Variants in MSH6 observed in about 807,000 individuals in gnomAD.
MSH6 encodes DNA mismatch repair protein Msh6.
MSH6 carries 85 observed loss-of-function variants against 119.1 expected under a neutral mutation model. The observed-to-expected ratio is 0.71, with a 90% confidence interval of 0.60 to 0.85. MSH6 has a LOEUF of 0.85. Ranked by LOEUF, MSH6 falls within the 40% of genes least tolerant of loss-of-function variation. MSH6 has a pLI of 0.00. For missense variants in MSH6, 2,163 were observed against 1,655.3 expected, an observed-to-expected ratio of 1.31 and a Z score of -5.32; for synonymous variants, 830 against 586.9, an observed-to-expected ratio of 1.41 and a Z score of -5.99.
rs878853699 is a variant in MSH6 at position 47,799,114 on chromosome 2, G to T, written c.1131G>T (p.Lys377Asn). The T allele has an allele frequency of 1.9e-6, 3 of 1,614,180 alleles. No individual in the cohort carries two copies. In the African/African-American group the frequency reaches 4.0e-5, roughly 22 times the overall value. ...HETLEWLKEE[K>N]RRDEHRRRPD... ...CTTTAGAATGGCTTAAGGAGGAAAA[G>T]AGAAGAGATGAGCACAGGAGGAGGC... The change falls in exon 4 of 10, where the codon AAG becomes AAT. Residue 377 changes from lysine to asparagine, a missense_variant. Physicochemically the swap from Lys to Asn is moderately conservative, Grantham distance 94. Transcript: ENST00000234420.
chr2:47,793,462 T>A (rs1051978916), intron 2 of MSH6, among the ~76,000 whole-genome samples: 1 of 150,086 alleles, frequency 6.7e-6, no homozygotes, highest in Non-Finnish European at 1.5e-5. Context: ...ACACTGTCTC[T>A]ACTAAAAATA....
downstream of MSH6, chr2:47,808,187 A>C (rs1414543486): frequency 3.7e-6 from 6 of 1,613,512 alleles, no homozygotes; most frequent in East Asian, 1.3e-4. Flanking sequence ...TATCATGTGT[A>C]GGCTCACCAG....
At chr2:47,783,888 A>G (rs1343968100) in intron 1 of MSH6, 6 of 902,492 alleles carry the variant, frequency 6.6e-6, no homozygotes, top group East Asian at 1.2e-4. Flanking sequence ...CGCCCGGCCC[A>G]CTTGGTGGGC....
Position 47,803,489 on chromosome 2 carries a change from T to G in MSH6, c.3242T>G (p.Leu1081Trp), listed in dbSNP as rs1553331349. 3 of 1,614,152 alleles carry G rather than the reference T, an allele frequency of 1.9e-6. No individual in the cohort carries two copies. The highest frequency in any genetic ancestry group is 2.5e-6 in the Non-Finnish European group (3 of 1,180,022). The change falls in exon 5 of 10, where the codon TTG becomes TGG. Residue 1081 changes from leucine (L) to tryptophan (W), a missense_variant. Physicochemically the swap from Leu to Trp is moderately conservative, Grantham distance 61. Transcript: ENST00000234420. ...DGPMCRPVILLPEDTPPFLEL... is the reference protein window; with the variant it reads ...DGPMCRPVILWPEDTPPFLEL... ...CCTATGTGTCGCCCAGTAATTCTGTTGCCGGAAGATACCCCCCCCTTCTTA... is the reference window on the plus strand; with the variant it reads ...CCTATGTGTCGCCCAGTAATTCTGTGGCCGGAAGATACCCCCCCCTTCTTA...
rs373958499 is a variant in MSH6, at chr2:47,798,866, A to G, written c.883A>G (p.Lys295Glu). The G allele has an allele frequency of 6.8e-6, 11 of 1,614,216 alleles. No individual in the cohort carries two copies. The highest frequency in any genetic ancestry group is 8.5e-6 in the Non-Finnish European group (10 of 1,180,042). Reference sequence around the variant, plus strand: ...GAGTGAAGGCCTGAACAGCCCTGTCAAAGTTGCTCGAAAGCGGAAGAGAAT... The same window carrying G: ...GAGTGAAGGCCTGAACAGCCCTGTCGAAGTTGCTCGAAAGCGGAAGAGAAT... ...SESEGLNSPV[K>E]VARKRKRMVT... The change falls in exon 4 of 10, where the codon AAA becomes GAA. Residue 295 changes from lysine to glutamate, a missense_variant. Physicochemically the swap from Lys to Glu is moderately conservative, Grantham distance 56 (BLOSUM62 1). Coordinates refer to ENST00000234420, the MANE Select transcript of MSH6 (RefSeq NM_000179.3).
chr2:47,803,272 G>T (rs879511202), intron 4 of MSH6, 148 bp from the exon 5 acceptor site: 100 of 1,103,678 alleles, frequency 9.1e-5, no homozygotes, highest in Non-Finnish European at 1.3e-4. Flanking sequence ...ATGTTAGAGG[G>T]TAAGTATTTT....
rs63750287 is a variant in MSH6, at chr2:47,801,045, C to T, written c.3062C>T (p.Ala1021Val). The T allele has an allele frequency of 6.3e-7, 1 of 1,595,340 alleles. No homozygotes were observed. Among genetic ancestry groups the T allele is most frequent in the South Asian group, 1.1e-5 (1 of 87,958 alleles). ...IEKKLANLIN[A>V]EERRDVSLKD... ...AAGAAGTTGGCTAATCTCATAAATG[C>T]TGAAGAACGGAGGGATGTATCATTG... Residue 1021 changes from alanine to valine, a missense_variant, in exon 4 of 10, where the codon GCT becomes GTT. Physicochemically the swap from Ala to Val is moderately conservative, Grantham distance 64 (BLOSUM62 0). Coordinates refer to ENST00000234420, the MANE Select transcript of MSH6 (RefSeq NM_000179.3).
At chr2:47,783,555 G>A (rs2103947402) in intron 1 of MSH6, 62 bp downstream of exon 1, 1 of 1,389,998 alleles carries the variant, frequency 7.2e-7, no homozygotes, top group Non-Finnish European at 9.4e-7. Flanking sequence ...GGAACCCGGC[G>A]AGGGGAGGCT....
At position 47,785,466 on chromosome 2, in the gene MSH6, C is replaced by G. The variant is rs1668296375; in HGVS notation, c.260+1973C>G. Reference sequence around the variant, plus strand: ...CTGCTGACCTCAAGTGGTCCACCCACTTCAGCCTCCCAAAGTGCTGGGATT... The same window carrying G: ...CTGCTGACCTCAAGTGGTCCACCCAGTTCAGCCTCCCAAAGTGCTGGGATT... On this transcript the variant is annotated intron_variant, in intron 1 of 9. Coordinates refer to ENST00000234420, the MANE Select transcript of MSH6 (RefSeq NM_000179.3). 2.0e-5 allele frequency among the ~76,000 whole-genome samples: 3 copies of G among 152,090 alleles called. No individual in the cohort carries two copies. The South Asian group carries it at 6.2e-4, about 32-fold the overall frequency.
intron 2 of MSH6, among the ~76,000 whole-genome samples, chr2:47,794,422 C>T (rs1207073642): frequency 3.3e-5 from 5 of 151,790 alleles, no homozygotes; most frequent in African/African-American, 1.2e-4. Context: ...CAGGTGTGCA[C>T]CACCACACCT....
intron 1 of MSH6, among the ~76,000 whole-genome samples, chr2:47,788,252 T>C (rs1272316119): frequency 0.087 from 7,431 of 85,342 alleles, 346 homozygotes; most frequent in Non-Finnish European, 0.14. Context: ...CTTTCTTTTT[T>C]TTTTTTTTTT....
intron 8 of MSH6, 32 bp downstream of exon 8, chr2:47,806,390 G>C (rs946114290): frequency 6.2e-7 from 1 of 1,612,844 alleles, no homozygotes; most frequent in Non-Finnish European, 8.5e-7. Context: ...CCACAAATTC[G>C]GTTTTTTGAG....
At position 47,796,172 on chromosome 2, in the gene MSH6, AT is replaced by A. The variant is rs1669078417; in HGVS notation, c.627+111del. ...GTTTTATATATGTGTGTGTATATGT[AT>A]TATTTTATTATACATACATGCATAC... On this transcript the variant is annotated intron_variant, in intron 3 of 9. Transcript: ENST00000234420. 16 of 1,086,100 alleles carry A rather than the reference AT, an allele frequency of 1.5e-5. No homozygotes were observed. In the South Asian group the frequency reaches 2.0e-4, roughly 13 times the overall value. The allele number at this position is 1,086,100 out of a possible 1,614,324, so 67.3% of individuals were successfully genotyped here.
intron 1 of MSH6, chr2:47,789,326 A>C: frequency 2.5e-6 from 1 of 394,024 alleles, no homozygotes; most frequent in East Asian, 7.5e-5. Context: ...TTTTTTGTTT[A>C]AATGCTTATG....
intron 4 of MSH6, among the ~76,000 whole-genome samples, chr2:47,802,373 T>C (rs954500111): frequency 1.3e-5 from 2 of 152,160 alleles, no homozygotes; most frequent in African/African-American, 4.8e-5. Context: ...TCTTGCTGTT[T>C]TCAGACTGGA....
At chr2:47,788,900 C>CT (rs1320887093) in intron 1 of MSH6, among the ~76,000 whole-genome samples, 44 of 47,334 alleles carry the variant, frequency 9.3e-4, no homozygotes, top group East Asian at 2.1e-3. Context: ...TTCTTTCTTT[C>CT]TTCTTCCTTT....
At chr2:47,788,913 TTTTTTTTTG>T (rs1558650168) in intron 1 of MSH6, among the ~76,000 whole-genome samples, 1,496 of 55,012 alleles carry the variant, frequency 0.027, 134 homozygotes, top group Non-Finnish European at 0.043. Flanking sequence ...CTTCCTTTTT[TTTTTTTTTG>T]TTTTTTTTTT....
intron 1 of MSH6, chr2:47,783,766 C>G: frequency 2.5e-6 from 1 of 405,142 alleles, no homozygotes; most frequent in Non-Finnish European, 3.7e-6. Context: ...AGGGAGGAGA[C>G]GCGTCCCGCC....
chr2:47,799,729 T>G lies in MSH6; in HGVS notation c.1746T>G (p.Phe582Leu), dbSNP rs201518545. The G allele has an allele frequency of 1.2e-5, 19 of 1,614,222 alleles. No homozygotes were observed. In the Admixed American group the frequency reaches 2.2e-4, roughly 18 times the overall value. Residue 582 changes from phenylalanine to leucine, a missense_variant, in exon 4 of 10, where the codon TTT becomes TTG. Physicochemically the swap from Phe to Leu is conservative, Grantham distance 22 (BLOSUM62 0). Coordinates refer to ENST00000234420, the MANE Select transcript of MSH6 (RefSeq NM_000179.3). Reference sequence around the variant, plus strand: ...CAGATGATCGCCATTGTTCGAGATTTAGGACTCTAGTGGCACACTATCCCC... The same window carrying G: ...CAGATGATCGCCATTGTTCGAGATTGAGGACTCTAGTGGCACACTATCCCC... ...QFSDDRHCSR[F>L]RTLVAHYPPV... is the part of the protein sequence containing the mutation.
Sources: allele counts gnomAD v4.1 joint callset (sites outside exome capture counted in the v4.1 genomes callset), GRCh38; gene constraint gnomAD v4.1.1; transcripts MANE v1.5; gene names NCBI Gene and HGNC (gene_info 2026-07-23, HGNC 2026-07-21).